Variants in WWOX observed in about 807,000 individuals in gnomAD.
WWOX encodes WW domain-containing oxidoreductase.
WWOX carries 69 observed loss-of-function variants against 46.2 expected under a neutral mutation model. The observed-to-expected ratio is 1.49, with a 90% confidence interval of 1.23 to 1.82. WWOX has a LOEUF of 1.82. Among genes scored for constraint, WWOX ranks in the 40% most tolerant of loss-of-function variants. The pLI is 0.00. For missense variants in WWOX, 919 were observed against 542.6 expected, an observed-to-expected ratio of 1.69 and a Z score of -6.89; for synonymous variants, 359 against 202.6, an observed-to-expected ratio of 1.77 and a Z score of -6.56.
intron 8 of WWOX, among the ~76,000 whole-genome samples, chr16:78,716,029 A>T (rs185474712): frequency 2.2e-4 from 33 of 152,118 alleles, no homozygotes; most frequent in African/African-American, 8.0e-4. Flanking sequence ...ATGCATTCTG[A>T]TAATCATTAT....
chr16:78,211,273 G>T (rs1332894815), intron 5 of WWOX, among the ~76,000 whole-genome samples: 1 of 152,208 alleles, frequency 6.6e-6, no homozygotes, highest in Non-Finnish European at 1.5e-5. Flanking sequence ...ACTTCTTATG[G>T]CTGTGGCAGG....
intron 6 of WWOX, among the ~76,000 whole-genome samples, chr16:78,389,890 C>T (rs1435688166): frequency 6.6e-6 from 1 of 152,172 alleles, no homozygotes; most frequent in African/African-American, 2.4e-5. Flanking sequence ...GCTGGGATTA[C>T]AGGTGCAGGT....
intron 8 of WWOX, among the ~76,000 whole-genome samples, chr16:78,821,291 C>G (rs1274528883): frequency 1.3e-5 from 2 of 152,114 alleles, no homozygotes. Context: ...CAGGCTTGCC[C>G]CAGGTTACAC....
chr16:78,466,432 T>C (rs73574939), intron 8 of WWOX, among the ~76,000 whole-genome samples: 5,505 of 152,280 alleles, frequency 0.036, 220 homozygotes, highest in African/African-American at 0.092. Flanking sequence ...ATTGTACACT[T>C]TGAAATAATT....
intron 5 of WWOX, among the ~76,000 whole-genome samples, chr16:78,190,907 G>GT (rs1256423771): frequency 6.6e-6 from 1 of 152,026 alleles, no homozygotes; most frequent in East Asian, 1.9e-4. Flanking sequence ...CCCATTTGTT[G>GT]TTTTTTTGGG....
intron 8 of WWOX, among the ~76,000 whole-genome samples, chr16:79,167,952 G>C (rs1278638371): frequency 6.6e-6 from 1 of 151,862 alleles, no homozygotes; most frequent in Non-Finnish European, 1.5e-5. Context: ...GCCTATTCTG[G>C]GTATACCACA....
intron 8 of WWOX, among the ~76,000 whole-genome samples, chr16:78,497,333 A>T (rs556180507): frequency 6.6e-6 from 1 of 152,362 alleles, no homozygotes; most frequent in Admixed American, 6.5e-5. Context: ...TGGATTGGAG[A>T]CTTAAACATA....
intron 8 of WWOX, among the ~76,000 whole-genome samples, chr16:78,831,509 T>G (rs1176814453): frequency 6.6e-6 from 1 of 152,170 alleles, no homozygotes; most frequent in Non-Finnish European, 1.5e-5. Flanking sequence ...GTACCCTACG[T>G]GGGAGACCCC....
chr16:78,917,478 G>C lies in WWOX; in HGVS notation c.1057-294130G>C, dbSNP rs543449450. Among the ~76,000 whole-genome samples, 4 of 149,490 alleles carry C rather than the reference G, an allele frequency of 2.7e-5. No homozygotes were observed. The East Asian group carries it at 7.7e-4, about 29-fold the overall frequency. ...CGGTAGCTACCTACCCCGAGAGCTG[G>C]CTGATTTTTTTTTCCTTAAATTTAA... On this transcript the variant is annotated intron_variant, in intron 8 of 8. Transcript: ENST00000566780.
intron 7 of WWOX, among the ~76,000 whole-genome samples, chr16:78,431,658 G>T (rs980941230): frequency 4.0e-5 from 6 of 149,606 alleles, no homozygotes; most frequent in Non-Finnish European, 4.5e-5. Context: ...TATGAGTGTG[G>T]GTCTTTATTG....
chr16:78,741,453 G>T (rs113422098), intron 8 of WWOX, among the ~76,000 whole-genome samples: 1 of 151,962 alleles, frequency 6.6e-6, no homozygotes, highest in South Asian at 2.1e-4. Context: ...ACAGTTACTC[G>T]GGAGGCTGAG....
intron 8 of WWOX, among the ~76,000 whole-genome samples, chr16:79,188,200 T>C (rs2051058255): frequency 6.6e-6 from 1 of 152,136 alleles, no homozygotes; most frequent in South Asian, 2.1e-4. Context: ...AGGGACAAGG[T>C]GGGAGGCGGT....
intron 8 of WWOX, among the ~76,000 whole-genome samples, chr16:79,021,655 C>T (rs2045608189): frequency 6.6e-6 from 1 of 152,188 alleles, no homozygotes; most frequent in Admixed American, 6.5e-5. Flanking sequence ...GCGACAAACA[C>T]ACAGATGCTT....
intron 8 of WWOX, among the ~76,000 whole-genome samples, chr16:78,704,930 T>TC (rs1044396071): frequency 6.6e-6 from 1 of 151,474 alleles, no homozygotes; most frequent in Non-Finnish European, 1.5e-5. Context: ...GTTTTTTTTT[T>TC]TTTTAAAGAG....
intron 8 of WWOX, among the ~76,000 whole-genome samples, chr16:78,502,919 C>A (rs2085106663): frequency 6.6e-6 from 1 of 152,128 alleles, no homozygotes; most frequent in Admixed American, 6.5e-5. Context: ...CTCCCTGCTT[C>A]CAGCGATAGC....
At chr16:78,697,095 T>A (rs1425318353) in intron 8 of WWOX, among the ~76,000 whole-genome samples, 5 of 152,220 alleles carry the variant, frequency 3.3e-5, no homozygotes, top group Non-Finnish European at 5.9e-5. Flanking sequence ...TTCACATTTT[T>A]GCAATTGTGA....
chr16:78,929,252 T>C (rs1567656062), intron 8 of WWOX, among the ~76,000 whole-genome samples: 3 of 123,078 alleles, frequency 2.4e-5, no homozygotes, highest in African/African-American at 1.2e-4. Context: ...TATCATACAG[T>C]GATTTTTTTT....
At chr16:78,792,088 G>T (rs1008763490) in intron 8 of WWOX, among the ~76,000 whole-genome samples, 1 of 152,134 alleles carries the variant, frequency 6.6e-6, no homozygotes, top group South Asian at 2.1e-4. Flanking sequence ...GAGCAGGACG[G>T]TTGCCTGTAT....
chr16:78,164,073 C>A (rs1306605527), intron 4 of WWOX, 110 bp from the exon 5 acceptor site: 2 of 1,009,822 alleles, frequency 2.0e-6, no homozygotes, highest in East Asian at 2.6e-5. Context: ...CAAAATCACC[C>A]CTGGTTGAGA....
Sources: allele counts gnomAD v4.1 joint callset (sites outside exome capture counted in the v4.1 genomes callset), GRCh38; gene constraint gnomAD v4.1.1; transcripts MANE v1.5; gene names NCBI Gene and HGNC (gene_info 2026-07-23, HGNC 2026-07-21).